CPNE4: variants seen among roughly 807,000 people sequenced by gnomAD.
CPNE4 encodes the protein copine 4.
A neutral mutation model predicts 67.9 loss-of-function variants in CPNE4; 25 were observed. The ratio of observed to expected loss-of-function variants is 0.37; its 90% CI spans 0.27 to 0.51. The LOEUF is 0.51. CPNE4 is among the 20% of genes least tolerant of loss of function. The probability of loss-of-function intolerance (pLI) is 0.93; values close to 1 mark genes in which losing one functional copy is unlikely to be tolerated. For synonymous variants in CPNE4, 242 were observed against 244.9 expected, an observed-to-expected ratio of 0.99 and a Z score of 0.11; for missense variants, 464 against 690.8, an observed-to-expected ratio of 0.67 and a Z score of 3.68.
Position 131,680,810 on chromosome 3 carries a change from C to T in CPNE4, c.591+5065G>A, listed in dbSNP as rs997668840. Among the ~76,000 whole-genome samples, 3 of 152,194 alleles carry T rather than the reference C, an allele frequency of 2.0e-5. No homozygotes were observed. In the South Asian group the frequency reaches 6.2e-4, roughly 32 times the overall value. On this transcript the variant is annotated intron_variant, in intron 6 of 15. Transcript: ENST00000429747. ...CTGCACTCAGTTTGTAGTCTTTTAT[C>T]GCTCAACCCCCTCCCACCCTTTCCC...
chr3:131,728,513 T>C (rs988809474), intron 2 of CPNE4, among the ~76,000 whole-genome samples: 1 of 152,078 alleles, frequency 6.6e-6, no homozygotes, highest in Non-Finnish European at 1.5e-5. Context: ...GTGGAACTGA[T>C]AGGGAAAGTC....
intron 8 of CPNE4, 24 bp from the exon 9 acceptor site, chr3:131,581,689 GA>G (rs1322938945): frequency 1.9e-6 from 3 of 1,556,962 alleles, no homozygotes; most frequent in Non-Finnish European, 2.7e-6. Flanking sequence ...CATAGCATGA[GA>G]ATCTGTTCAG....
At chr3:131,799,922 TGTG>T (rs1560339467) in intron 2 of CPNE4, among the ~76,000 whole-genome samples, 23 of 2,464 alleles carry the variant, frequency 9.3e-3, no homozygotes, top group Non-Finnish European at 0.035. Flanking sequence ...GTGTGTGTTG[TGTG>T]TGTGTGTGTG....
intron 1 of CPNE4, among the ~76,000 whole-genome samples, chr3:131,964,246 A>G (rs1457240113): frequency 2.0e-5 from 3 of 152,336 alleles, no homozygotes; most frequent in Admixed American, 6.5e-5. Context: ...AAAGGTAGAT[A>G]AATCCACAAA....
chr3:131,740,224 A>C (rs1311179086), intron 2 of CPNE4, among the ~76,000 whole-genome samples: 1 of 152,190 alleles, frequency 6.6e-6, no homozygotes, highest in Non-Finnish European at 1.5e-5. Flanking sequence ...GGAACTCCTC[A>C]TCTATGTATA....
At chr3:131,937,852 C>T (rs577816393) in intron 1 of CPNE4, among the ~76,000 whole-genome samples, 18 of 151,744 alleles carry the variant, frequency 1.2e-4, no homozygotes, top group Middle Eastern at 3.4e-3. Flanking sequence ...CAATAAGAAA[C>T]GTAATATCAT....
At chr3:131,979,989 T>C (rs932095459) in intron 1 of CPNE4, among the ~76,000 whole-genome samples, 4 of 152,174 alleles carry the variant, frequency 2.6e-5, no homozygotes, top group African/African-American at 9.7e-5. Flanking sequence ...TCTTGGCTGA[T>C]AATTGTTTTG....
At chr3:131,889,682 C>T (rs1389264176) in intron 2 of CPNE4, among the ~76,000 whole-genome samples, 1 of 152,178 alleles carries the variant, frequency 6.6e-6, no homozygotes, top group Non-Finnish European at 1.5e-5. Context: ...TTTAGTATAA[C>T]TTGAAAGTTC....
chr3:131,731,726 ATGTGGCTAG>A (rs1215616981), intron 2 of CPNE4, among the ~76,000 whole-genome samples: 1 of 152,150 alleles, frequency 6.6e-6, no homozygotes, highest in Non-Finnish European at 1.5e-5. Context: ...AGCACTTGAA[ATGTGGCTAG>A]TGGGACTGAA....
intron 2 of CPNE4, among the ~76,000 whole-genome samples, chr3:131,862,898 C>G (rs1373987996): frequency 6.6e-6 from 1 of 151,388 alleles, no homozygotes; most frequent in Non-Finnish European, 1.5e-5. Context: ...GTGATGTTCC[C>G]CTTCCTGTGT....
intron 15 of CPNE4, among the ~76,000 whole-genome samples, 182 bp downstream of exon 15, chr3:131,542,375 A>G (rs887408571): frequency 3.3e-5 from 5 of 151,912 alleles, no homozygotes; most frequent in African/African-American, 1.2e-4. Context: ...GTTGTGGGAG[A>G]TGACGTGGCC....
At chr3:131,958,603 T>C (rs2072053050) in intron 1 of CPNE4, among the ~76,000 whole-genome samples, 1 of 76,932 alleles carries the variant, frequency 1.3e-5, no homozygotes, top group Non-Finnish European at 2.8e-5. Context: ...CACCTTTCTT[T>C]CTTTTCTTTT....
chr3:131,874,201 G>C (rs987913316), intron 2 of CPNE4, among the ~76,000 whole-genome samples: 1 of 151,612 alleles, frequency 6.6e-6, no homozygotes, highest in East Asian at 1.9e-4. Context: ...CCATTCTCCT[G>C]CCTCAGCCCC....
chr3:131,780,379 C>T (rs1481937290), intron 2 of CPNE4, among the ~76,000 whole-genome samples: 11 of 152,062 alleles, frequency 7.2e-5, no homozygotes, highest in South Asian at 2.1e-4. Flanking sequence ...CACATGCATG[C>T]TTGTTCATTG....
At chr3:132,023,237 C>A (rs142233960) in intron 1 of CPNE4, among the ~76,000 whole-genome samples, 6 of 152,270 alleles carry the variant, frequency 3.9e-5, no homozygotes, top group African/African-American at 1.4e-4. Flanking sequence ...AATGAGGCAG[C>A]AGAAGTGATC....
intron 7 of CPNE4, among the ~76,000 whole-genome samples, chr3:131,663,317 G>A (rs1319299547): frequency 1.3e-5 from 2 of 152,066 alleles, no homozygotes; most frequent in East Asian, 3.9e-4. Flanking sequence ...GTCAGGGGGT[G>A]GGAGGCAAGG....
chr3:131,779,006 A>T (rs1360315948), intron 2 of CPNE4, among the ~76,000 whole-genome samples: 1 of 152,148 alleles, frequency 6.6e-6, no homozygotes, highest in African/African-American at 2.4e-5. Flanking sequence ...TACAGAATCA[A>T]TGTAAACAAA....
chr3:131,849,782 C>T (rs2086164887), intron 2 of CPNE4, among the ~76,000 whole-genome samples: 1 of 152,114 alleles, frequency 6.6e-6, no homozygotes, highest in Non-Finnish European at 1.5e-5. Flanking sequence ...AACAGAGCTG[C>T]CCCAACCAAA....
chr3:132,037,932 A>G (rs1289235052), upstream of CPNE4: 3 of 242,444 alleles, frequency 1.2e-5, no homozygotes, highest in Admixed American at 1.5e-4. Flanking sequence ...AAAACCTTGG[A>G]TCCTTCCCTG....
Sources: allele counts gnomAD v4.1 joint callset (sites outside exome capture counted in the v4.1 genomes callset), GRCh38; gene constraint gnomAD v4.1.1; transcripts MANE v1.5; gene names NCBI Gene and HGNC (gene_info 2026-07-23, HGNC 2026-07-21).